SAMD12: variants seen among roughly 807,000 people sequenced by gnomAD.
SAMD12 encodes the protein sterile alpha motif domain containing 12.
In SAMD12, 9 loss-of-function variants were observed where a neutral mutation model predicts 15.0. The observed-to-expected ratio is 0.60, with a 90% CI of 0.36 to 1.05. SAMD12 has a LOEUF of 1.05. Among genes scored for constraint, SAMD12 ranks in the 50% least tolerant of loss-of-function variants. The probability of loss-of-function intolerance (pLI) is 0.01; values close to 1 mark genes in which losing one functional copy is unlikely to be tolerated. For missense variants in SAMD12, 230 were observed against 234.2 expected, an observed-to-expected ratio of 0.98 and a Z score of 0.12; for synonymous variants, 86 against 90.1, an observed-to-expected ratio of 0.96 and a Z score of 0.25.
rs150653002 is a variant in SAMD12, at chr8:118,447,685, T to G, written c.193-7724A>C. Among the ~76,000 whole-genome samples, 848 of 145,100 alleles carry G rather than the reference T, an allele frequency of 5.8e-3. 5 individuals are homozygous for G. The highest frequency in any genetic ancestry group is 0.015 in the Middle Eastern group (4 of 274). On this transcript the variant is annotated intron_variant, in intron 2 of 3. Transcript: ENST00000314727. The stretch of plus-strand genomic sequence containing the variant: ...CTTTGATGTCATCTTTCATTTTATT[T>G]TTTTATTTTTTATTTTTAATATTTA...
chr8:118,468,115 C>T (rs1396523900), intron 2 of SAMD12, among the ~76,000 whole-genome samples: 3 of 152,146 alleles, frequency 2.0e-5, no homozygotes, highest in Admixed American at 6.5e-5. Context: ...AATCAGTGAA[C>T]TGTAACACAC....
At chr8:118,283,152 T>G (rs2130174793) in intron 4 of SAMD12, among the ~76,000 whole-genome samples, 1 of 152,312 alleles carries the variant, frequency 6.6e-6, no homozygotes, top group Non-Finnish European at 1.5e-5. Flanking sequence ...TATTATACTT[T>G]AAGTTTTAGG....
Position 118,379,091 on chromosome 8 carries a change from A to G in SAMD12, c.*326T>C. ...CTAACCGGTGAAAAGCAAAACAAAA[A>G]TACAACAAAAACTCCACTTATATCA... On this transcript the variant is annotated 3_prime_UTR_variant, in exon 4 of 4. Coordinates refer to ENST00000314727, the MANE Select transcript of SAMD12 (RefSeq NM_207506.3). The G allele has an allele frequency of 2.8e-6, 3 of 1,066,020 alleles. No homozygotes were observed. Among genetic ancestry groups the G allele is most frequent in the Non-Finnish European group, 2.3e-6 (2 of 878,976 alleles). 66.0% of individuals were successfully genotyped at this position (1,066,020 alleles called of 1,614,324 possible). A position where few individuals can be genotyped will look rare whatever the true frequency, so the allele number is the denominator to read the frequency against.
chr8:118,210,383 C>A (rs1004849505), intron 4 of SAMD12, among the ~76,000 whole-genome samples: 1 of 152,126 alleles, frequency 6.6e-6, no homozygotes, highest in Non-Finnish European at 1.5e-5. Context: ...TGCACTTCCA[C>A]CTCCCTAAGG....
chr8:118,507,807 T>C (rs1018335446), intron 2 of SAMD12, among the ~76,000 whole-genome samples: 12 of 152,042 alleles, frequency 7.9e-5, no homozygotes, highest in Middle Eastern at 6.3e-3. Flanking sequence ...ACTTTTTCTA[T>C]ACATGGGTTC....
chr8:118,385,073 T>A (rs760883585), intron 3 of SAMD12, among the ~76,000 whole-genome samples: 5 of 152,120 alleles, frequency 3.3e-5, no homozygotes, highest in African/African-American at 1.2e-4. Flanking sequence ...TGAGCATACA[T>A]AGAAAAAGCA....
At chr8:118,599,659 T>C (rs1827809799) in intron 1 of SAMD12, among the ~76,000 whole-genome samples, 1 of 152,196 alleles carries the variant, frequency 6.6e-6, no homozygotes, top group East Asian at 1.9e-4. Context: ...CCTCTAACTC[T>C]AGGGCTACAG....
intron 1 of SAMD12, among the ~76,000 whole-genome samples, chr8:118,585,566 T>C (rs1005319419): frequency 2.0e-5 from 3 of 152,226 alleles, no homozygotes; most frequent in Non-Finnish European, 4.4e-5. Context: ...TATTCAAAGG[T>C]TTGAGAGTTT....
intron 4 of SAMD12, among the ~76,000 whole-genome samples, chr8:118,279,152 C>T (rs1010423704): frequency 3.3e-5 from 5 of 152,038 alleles, no homozygotes; most frequent in African/African-American, 4.8e-5. Flanking sequence ...CTTCAGCCTC[C>T]GATGCAAAAA....
intron 4 of SAMD12, among the ~76,000 whole-genome samples, chr8:118,371,508 G>A (rs1236035642): frequency 6.6e-6 from 1 of 152,050 alleles, no homozygotes; most frequent in Non-Finnish European, 1.5e-5. Flanking sequence ...TGTGAGTGAT[G>A]AGGAAAACGG....
At chr8:118,276,727 C>T (rs1178346881) in intron 4 of SAMD12, among the ~76,000 whole-genome samples, 4 of 152,108 alleles carry the variant, frequency 2.6e-5, no homozygotes, top group Non-Finnish European at 2.9e-5. Flanking sequence ...TGCTGGAGTG[C>T]GGTGGTGTGA....
intron 1 of SAMD12, among the ~76,000 whole-genome samples, chr8:118,602,722 C>T (rs573382165): frequency 2.0e-5 from 3 of 152,152 alleles, no homozygotes; most frequent in Non-Finnish European, 4.4e-5. Flanking sequence ...GCCAACTCAT[C>T]TTACAATGAA....
chr8:118,358,354 T>A (rs1268857276), intron 4 of SAMD12, among the ~76,000 whole-genome samples: 1 of 152,156 alleles, frequency 6.6e-6, no homozygotes, highest in Non-Finnish European at 1.5e-5. Flanking sequence ...TAATACAACT[T>A]AGCAGTATGT....
intron 4 of SAMD12, among the ~76,000 whole-genome samples, chr8:118,319,351 C>T (rs1432169527): frequency 2.0e-5 from 3 of 152,118 alleles, no homozygotes; most frequent in Non-Finnish European, 4.4e-5. Context: ...TCTCCCTTCA[C>T]CCTGTTCCAA....
chr8:118,517,780 G>C (rs1825284235), intron 2 of SAMD12, among the ~76,000 whole-genome samples: 1 of 152,170 alleles, frequency 6.6e-6, no homozygotes, highest in African/African-American at 2.4e-5. Flanking sequence ...GAATGGGTGA[G>C]TTTGTAAGAG....
the SAMD12 span, among the ~76,000 whole-genome samples, chr8:118,173,471 CCTGT>C: frequency 6.6e-6 from 1 of 151,466 alleles, no homozygotes; most frequent in African/African-American, 2.4e-5. Context: ...ATTACAAGGC[CCTGT>C]CTTTTAGACA....
At chr8:118,605,876 T>C (rs995301892) in intron 1 of SAMD12, among the ~76,000 whole-genome samples, 1 of 143,830 alleles carries the variant, frequency 7.0e-6, no homozygotes, top group South Asian at 2.3e-4. Flanking sequence ...AAGGGTTTAC[T>C]GGCTGAAGAG....
chr8:118,583,057 A>C (rs1586835647), intron 1 of SAMD12, among the ~76,000 whole-genome samples: 2 of 152,154 alleles, frequency 1.3e-5, no homozygotes, highest in Admixed American at 6.6e-5. Flanking sequence ...AACCTCCTTC[A>C]AATTTTATTC....
intron 1 of SAMD12, among the ~76,000 whole-genome samples, chr8:118,612,904 C>T (rs1368213836): frequency 1.3e-5 from 2 of 152,120 alleles, no homozygotes; most frequent in Non-Finnish European, 2.9e-5. Context: ...CAGGCAACAA[C>T]ATGGAGGAAT....
Sources: allele counts gnomAD v4.1 joint callset (sites outside exome capture counted in the v4.1 genomes callset), GRCh38; gene constraint gnomAD v4.1.1; transcripts MANE v1.5; gene names NCBI Gene and HGNC (gene_info 2026-07-23, HGNC 2026-07-21).